Variants in PCDHGA7 observed in about 807,000 individuals in gnomAD.
PCDHGA7 encodes the protein protocadherin gamma-A7.
Under a neutral mutation model 58.3 loss-of-function variants are expected in PCDHGA7, and 44 were observed. The ratio of observed to expected loss-of-function variants is 0.75; its 90% CI spans 0.59 to 0.97. The LOEUF (loss-of-function observed/expected upper bound fraction) is 0.97, where lower values mean the gene tolerates loss of function less well. Ranked by LOEUF, PCDHGA7 falls within the 50% of genes least tolerant of loss-of-function variation. The pLI is 0.00. For missense variants in PCDHGA7, 1,266 were observed against 1,188.7 expected, an observed-to-expected ratio of 1.06 and a Z score of -0.96; for synonymous variants, 516 against 504.2, an observed-to-expected ratio of 1.02 and a Z score of -0.31.
At chr5:141,479,048 C>A (rs1253895615) in intron 1 of PCDHGA7, among the ~76,000 whole-genome samples, 1 of 152,150 alleles carries the variant, frequency 6.6e-6, no homozygotes, top group Admixed American at 6.5e-5. Flanking sequence ...GTACCTCATT[C>A]TCAGATAATT....
At chr5:141,409,021 C>T in intron 1 of PCDHGA7, 4 of 1,613,972 alleles carry the variant, frequency 2.5e-6, no homozygotes, top group Non-Finnish European at 3.4e-6. Context: ...ATGAGGGGGT[C>T]AATGCTGAGA....
At chr5:141,435,214 AC>A (rs1332585721) in intron 1 of PCDHGA7, among the ~76,000 whole-genome samples, 1 of 152,176 alleles carries the variant, frequency 6.6e-6, no homozygotes, top group African/African-American at 2.4e-5. Flanking sequence ...AAGTGAATTT[AC>A]TTTCTTTCAA....
chr5:141,423,154 C>A, intron 1 of PCDHGA7: 1 of 1,613,466 alleles, frequency 6.2e-7, no homozygotes, highest in South Asian at 1.1e-5. Flanking sequence ...CAAGCAGAGC[C>A]TCGTGGTGGC....
Position 141,404,690 on chromosome 5 carries a change from C to T in PCDHGA7, c.2424+19367C>T, listed in dbSNP as rs199517824. The T allele has an allele frequency of 1.9e-4, 304 of 1,613,808 alleles. 1 individual carries two copies. Among genetic ancestry groups the T allele is most frequent in the Non-Finnish European group, 2.1e-4 (250 of 1,179,844 alleles). On this transcript the variant is annotated intron_variant, in intron 1 of 3. Coordinates refer to ENST00000518325, the MANE Select transcript of PCDHGA7 (RefSeq NM_018920.4). ...TTCTACTGGTGTGGAGCTGGCACCC[C>T]GCTCTGCAGAGCCTGGCTACCTGGT...
intron 1 of PCDHGA7, chr5:141,409,922 T>C (rs752487198): frequency 1.2e-6 from 2 of 1,613,182 alleles, no homozygotes; most frequent in African/African-American, 2.7e-5. Context: ...CGGCTCCGCG[T>C]TCTTCGATAT....
At chr5:141,429,814 T>C (rs554065871) in intron 1 of PCDHGA7, among the ~76,000 whole-genome samples, 3 of 152,322 alleles carry the variant, frequency 2.0e-5, no homozygotes, top group African/African-American at 7.2e-5. Flanking sequence ...TAATTACAAT[T>C]AGGTCAGTTA....
At position 141,418,260 on chromosome 5, in the gene PCDHGA7, G is replaced by C. The variant is rs144490159; in HGVS notation, c.2424+32937G>C. On this transcript the variant is annotated intron_variant, in intron 1 of 3. Transcript: ENST00000518325. Reference sequence around the variant, plus strand: ...GTTAATGACCACGCCCCTCAATTCCGGAAAGATGAAATAAACTTAGAAATC... The same window carrying C: ...GTTAATGACCACGCCCCTCAATTCCCGAAAGATGAAATAAACTTAGAAATC... 2.5e-6 allele frequency: 4 copies of C among 1,613,888 alleles called. No individual in the cohort carries two copies. Among genetic ancestry groups the C allele is most frequent in the South Asian group, 1.1e-5 (1 of 91,088 alleles).
At chr5:141,505,259 C>T in intron 2 of PCDHGA7, 134 bp from the exon 3 acceptor site, 2 of 1,500,262 alleles carry the variant, frequency 1.3e-6, no homozygotes, top group Admixed American at 2.0e-5. Flanking sequence ...GTGCCTCCTA[C>T]CTTGCTGAGA....
At position 141,431,493 on chromosome 5, in the gene PCDHGA7, C is replaced by G. The variant is rs1281626711; in HGVS notation, c.2424+46170C>G. On this transcript the variant is annotated intron_variant, in intron 1 of 3. Transcript: ENST00000518325. The surrounding 1 kb of genome is among the most constrained non-coding windows in gnomAD (Gnocchi z 4.8). ...GACAACGCACCAGCGTTTGCTCAGC[C>G]CGAGTACCGCGCGAGCGTTCCGGAG... 1 of 1,613,994 alleles carries G rather than the reference C, an allele frequency of 6.2e-7. No individual in the cohort carries two copies. The highest frequency in any genetic ancestry group is 8.5e-7 in the Non-Finnish European group (1 of 1,180,042).
chr5:141,426,817 C>G (rs942714141), intron 1 of PCDHGA7: 4 of 456,594 alleles, frequency 8.8e-6, no homozygotes, highest in Non-Finnish European at 1.8e-5. Flanking sequence ...GAACATTTCT[C>G]TCTGATGATG....
chr5:141,419,035 T>G, intron 1 of PCDHGA7: 1 of 1,613,954 alleles, frequency 6.2e-7, no homozygotes, highest in Non-Finnish European at 8.5e-7. Context: ...GTGTTCCATT[T>G]AAGATTCATT....
At chr5:141,422,758 A>G in intron 1 of PCDHGA7, 1 of 1,613,150 alleles carries the variant, frequency 6.2e-7, no homozygotes, top group Non-Finnish European at 8.5e-7. Flanking sequence ...TATTAACTCC[A>G]ACACTGGTGT....
Position 141,476,468 on chromosome 5 carries a change from C to T in PCDHGA7, c.2425-18339C>T. 6.2e-7 allele frequency: 1 copy of T among 1,614,132 alleles called. No homozygotes were observed. Among genetic ancestry groups the T allele is most frequent in the Non-Finnish European group, 8.5e-7 (1 of 1,180,022 alleles). On this transcript the variant is annotated intron_variant, in intron 1 of 3. Coordinates refer to ENST00000518325, the MANE Select transcript of PCDHGA7 (RefSeq NM_018920.4). The surrounding 1 kb of genome is among the most constrained non-coding windows in gnomAD (Gnocchi z 7.6). ...GTTGGTAGTGGAGAACCCGCTGGAG[C>T]TGTTCAGCGTGGAAGTGGTGATCCA...
At position 141,490,409 on chromosome 5, in the gene PCDHGA7, C is replaced by G; in HGVS notation, c.2425-4398C>G. On this transcript the variant is annotated intron_variant, in intron 1 of 3. Transcript: ENST00000518325. The surrounding 1 kb of genome is among the most constrained non-coding windows in gnomAD (Gnocchi z 5.4). ...AATGGTGAAGTGAGCCTTGATATCT[C>G]TCCGGACCTGCCATTTCAGATTAAG... 1 of 1,614,202 alleles carries G rather than the reference C, an allele frequency of 6.2e-7. No homozygotes were observed. Among genetic ancestry groups the G allele is most frequent in the Non-Finnish European group, 8.5e-7 (1 of 1,180,038 alleles).
intron 3 of PCDHGA7, among the ~76,000 whole-genome samples, chr5:141,508,792 CT>C (rs1475631459): frequency 6.6e-6 from 1 of 152,130 alleles, no homozygotes; most frequent in Non-Finnish European, 1.5e-5. Flanking sequence ...CTAAATCACT[CT>C]GGAATCCTGG....
At chr5:141,446,657 A>G (rs2098510367) in intron 1 of PCDHGA7, among the ~76,000 whole-genome samples, 1 of 152,092 alleles carries the variant, frequency 6.6e-6, no homozygotes, top group African/African-American at 2.4e-5. Context: ...TTGTATTTTT[A>G]GTACAAGACA....
In PCDHGA7 at chr5:141,477,191, A is replaced by G; in HGVS notation, c.2425-17616A>G. ...GGAGATCACAGTCACCTCCGTGTACAGCCCAGTACCCGAGGATGCCCCTCT... is the reference window on the plus strand; with the variant it reads ...GGAGATCACAGTCACCTCCGTGTACGGCCCAGTACCCGAGGATGCCCCTCT... On this transcript the variant is annotated intron_variant, in intron 1 of 3. Transcript: ENST00000518325. This position sits in a 1 kb window ranked among gnomAD's most constrained non-coding sequence, Gnocchi z 4.9. 5.0e-6 allele frequency: 8 copies of G among 1,614,210 alleles called. No homozygotes were observed. The highest frequency in any genetic ancestry group is 6.8e-6 in the Non-Finnish European group (8 of 1,180,044).
intron 1 of PCDHGA7, chr5:141,411,445 G>A (rs926329934): frequency 1.3e-5 from 2 of 151,656 alleles, no homozygotes; most frequent in South Asian, 2.1e-4. Flanking sequence ...TTAGCAGAGT[G>A]TGGTAGCATT....
chr5:141,460,416 A>C (rs966481039), intron 1 of PCDHGA7, among the ~76,000 whole-genome samples: 1 of 152,138 alleles, frequency 6.6e-6, no homozygotes, highest in African/African-American at 2.4e-5. Flanking sequence ...GTTGATGTTT[A>C]TGTATGGTGT....
Sources: allele counts gnomAD v4.1 joint callset (sites outside exome capture counted in the v4.1 genomes callset), GRCh38; gene constraint gnomAD v4.1.1; non-coding constraint Gnocchi (gnomAD v3.1); transcripts MANE v1.5; gene names NCBI Gene and HGNC (gene_info 2026-07-23, HGNC 2026-07-21).